Variants in RARB observed in about 807,000 individuals in gnomAD.
RARB encodes HBV-activated protein.
RARB carries 17 observed loss-of-function variants against 51.9 expected under a neutral mutation model. The observed-to-expected ratio is 0.33, with a 90% confidence interval of 0.22 to 0.49. The LOEUF (loss-of-function observed/expected upper bound fraction) is 0.49, where lower values mean the gene tolerates loss of function less well. Among genes scored for constraint, RARB ranks in the 20% least tolerant of loss-of-function variants. The pLI, the probability that RARB is intolerant of heterozygous loss-of-function variation, is 0.99. For missense variants in RARB, 369 were observed against 550.8 expected (o/e 0.67, Z 3.30); for synonymous variants, 215 against 195.4 (o/e 1.10, Z -0.84).
intron 5 of RARB, among the ~76,000 whole-genome samples, chr3:25,229,125 G>A (rs1263951679): frequency 1.3e-5 from 2 of 152,168 alleles, no homozygotes; most frequent in South Asian, 2.1e-4. Context: ...ATAAATCTGC[G>A]ATGATTTATT....
chr3:24,975,735 C>A (rs1374426956), intron 2 of RARB, among the ~76,000 whole-genome samples: 1 of 151,526 alleles, frequency 6.6e-6, no homozygotes, highest in Non-Finnish European at 1.5e-5. Context: ...CATGCTGCTG[C>A]TAAATTTTCT....
intron 1 of RARB, among the ~76,000 whole-genome samples, chr3:25,436,642 C>G (rs1427840697): frequency 6.6e-6 from 1 of 152,196 alleles, no homozygotes; most frequent in East Asian, 1.9e-4. Flanking sequence ...CTCTCTGCTT[C>G]TCGGGCAAGA....
intron 3 of RARB, among the ~76,000 whole-genome samples, chr3:25,509,195 A>G (rs1697762020): frequency 6.6e-6 from 1 of 152,232 alleles, no homozygotes. Flanking sequence ...CAACTTGGGC[A>G]CATGGCAAAA....
At chr3:25,329,719 G>A (rs548830629) in intron 5 of RARB, among the ~76,000 whole-genome samples, 1 of 152,250 alleles carries the variant, frequency 6.6e-6, no homozygotes, top group Admixed American at 6.5e-5. Flanking sequence ...ACTCCTCCAA[G>A]CTAAAGGAGG....
chr3:25,390,186 C>T (rs541759137), intron 5 of RARB, among the ~76,000 whole-genome samples: 72 of 152,118 alleles, frequency 4.7e-4, no homozygotes, highest in African/African-American at 1.5e-3. Context: ...GAATGGAATT[C>T]GCACCCTTAT....
At chr3:25,364,642 G>C (rs1484408799) in intron 5 of RARB, among the ~76,000 whole-genome samples, 12 of 152,222 alleles carry the variant, frequency 7.9e-5, no homozygotes, top group Admixed American at 7.9e-4. Flanking sequence ...TGGAAGACTT[G>C]TTTGGGCTGT....
At chr3:24,833,575 A>T (rs1702308104) in intron 1 of RARB, among the ~76,000 whole-genome samples, 1 of 152,230 alleles carries the variant, frequency 6.6e-6, no homozygotes, top group Non-Finnish European at 1.5e-5. Context: ...TTTCCCAAGC[A>T]TATCTAACAT....
chr3:25,210,485 G>C (rs1024039746), intron 5 of RARB, among the ~76,000 whole-genome samples: 1 of 145,042 alleles, frequency 6.9e-6, no homozygotes. Context: ...CAGAGTTGCA[G>C]AGACTTCATC....
intron 5 of RARB, among the ~76,000 whole-genome samples, chr3:25,314,137 C>T (rs1486389498): frequency 6.6e-6 from 1 of 151,616 alleles, no homozygotes; most frequent in South Asian, 2.1e-4. Context: ...AAATTTACTC[C>T]AAATTTTAAA....
chr3:25,483,215 G>A (rs1404007880), intron 2 of RARB, among the ~76,000 whole-genome samples: 1 of 152,194 alleles, frequency 6.6e-6, no homozygotes, highest in Non-Finnish European at 1.5e-5. Flanking sequence ...GGACACAATT[G>A]TTTTAAGGGA....
intron 2 of RARB, among the ~76,000 whole-genome samples, chr3:25,049,630 C>T (rs1392336272): frequency 6.6e-6 from 1 of 152,068 alleles, no homozygotes; most frequent in Non-Finnish European, 1.5e-5. Context: ...ATTAAAGCAT[C>T]CTATTGGTGT....
intron 4 of RARB, among the ~76,000 whole-genome samples, chr3:25,574,490 C>T (rs1700841647): frequency 6.6e-6 from 1 of 152,152 alleles, no homozygotes; most frequent in Non-Finnish European, 1.5e-5. Flanking sequence ...TGTAAACTAG[C>T]GTGGGTGTGA....
intron 5 of RARB, among the ~76,000 whole-genome samples, chr3:25,345,443 G>A (rs2125453735): frequency 6.6e-6 from 1 of 152,176 alleles, no homozygotes; most frequent in African/African-American, 2.4e-5. Flanking sequence ...GAGGTGGGTG[G>A]ATCACAAGGT....
intron 5 of RARB, among the ~76,000 whole-genome samples, chr3:25,307,470 A>G (rs1704181239): frequency 6.6e-6 from 1 of 152,190 alleles, no homozygotes; most frequent in Admixed American, 6.6e-5. Context: ...CAATCTCAGA[A>G]GTCCCTTAGC....
intron 2 of RARB, among the ~76,000 whole-genome samples, chr3:24,952,088 A>G (rs554419688): frequency 3.9e-5 from 6 of 152,254 alleles, no homozygotes; most frequent in African/African-American, 1.4e-4. Flanking sequence ...TGAAAGTAAC[A>G]TTTGCAGCTG....
intron 5 of RARB, among the ~76,000 whole-genome samples, chr3:25,232,318 T>A (rs1182388980): frequency 6.6e-6 from 1 of 152,186 alleles, no homozygotes; most frequent in African/African-American, 2.4e-5. Context: ...TTCCTTTGAC[T>A]TTCCACGTAA....
At chr3:25,571,009 G>C (rs573437121) in intron 4 of RARB, among the ~76,000 whole-genome samples, 1 of 151,964 alleles carries the variant, frequency 6.6e-6, no homozygotes, top group Non-Finnish European at 1.5e-5. Flanking sequence ...GGTGTAGTGC[G>C]CTAGGATGTT....
At chr3:25,323,555 G>C (rs1184247575) in intron 5 of RARB, among the ~76,000 whole-genome samples, 1 of 152,152 alleles carries the variant, frequency 6.6e-6, no homozygotes. Flanking sequence ...TGAAAACTAT[G>C]AAAGTATGCA....
intron 2 of RARB, among the ~76,000 whole-genome samples, chr3:25,050,942 G>T (rs1452114074): frequency 2.0e-5 from 3 of 152,088 alleles, no homozygotes; most frequent in Admixed American, 2.0e-4. Context: ...TCTTTCTGGT[G>T]CACCAAGTCT....
Sources: gnomAD v4.1 joint callset for allele counts (sites outside exome capture counted in the v4.1 genomes callset) on GRCh38, gnomAD v4.1.1 for gene constraint, MANE v1.5 for transcripts, NCBI Gene and HGNC (gene_info 2026-07-23, HGNC 2026-07-21) for gene names.